CTNND2: variants seen among roughly 807,000 people sequenced by gnomAD.
CTNND2 encodes the protein catenin delta-2.
Under a neutral mutation model 144.4 loss-of-function variants are expected in CTNND2, and 22 were observed. That is an observed-to-expected ratio of 0.15 (90% CI 0.11 to 0.22). CTNND2 has a LOEUF of 0.22. Among genes scored for constraint, CTNND2 ranks in the 10% least tolerant of loss-of-function variants. CTNND2 has a pLI of 1.00. For synonymous variants in CTNND2, 751 were observed against 695.6 expected, an observed-to-expected ratio of 1.08 and a Z score of -1.25; for missense variants, 1,353 against 1,618.8, an observed-to-expected ratio of 0.84 and a Z score of 2.82.
At chr5:11,403,602 CA>C (rs1760819949) in intron 5 of CTNND2, among the ~76,000 whole-genome samples, 1 of 152,168 alleles carries the variant, frequency 6.6e-6, no homozygotes, top group South Asian at 2.1e-4. Context: ...CTATACCTTA[CA>C]AAGTTTTGTC....
At chr5:11,361,146 G>C (rs1297096385) in intron 8 of CTNND2, among the ~76,000 whole-genome samples, 1 of 152,174 alleles carries the variant, frequency 6.6e-6, no homozygotes, top group East Asian at 1.9e-4. Context: ...TCAGCATCCC[G>C]AGTAGCTGGG....
rs556235353 is a variant in CTNND2, at chr5:10,990,701, G to A, written c.3211+1850C>T. The stretch of plus-strand genomic sequence containing the variant: ...TATCTCCTGAGACCTCACACACAGC[G>A]GTGCTCCAAGTCTCTGGTAAATCAG... On this transcript the variant is annotated intron_variant, in intron 19 of 21. Coordinates refer to ENST00000304623, the MANE Select transcript of CTNND2 (RefSeq NM_001332.4). Among the ~76,000 whole-genome samples the A allele has an allele frequency of 4.6e-5, 7 of 152,256 alleles. No homozygotes were observed. In the South Asian group the frequency reaches 1.0e-3, roughly 23 times the overall value.
intron 1 of CTNND2, among the ~76,000 whole-genome samples, chr5:11,754,445 G>A (rs1788799109): frequency 1.1e-5 from 1 of 91,208 alleles, no homozygotes; most frequent in South Asian, 6.6e-4. Context: ...GGGGCGGGGA[G>A]GTGGAGAGTT....
chr5:11,138,981 CT>C (rs3032103), intron 12 of CTNND2, among the ~76,000 whole-genome samples: 14,491 of 149,278 alleles, frequency 0.097, 971 homozygotes, highest in Admixed American at 0.24. Flanking sequence ...TAAAAGGAAA[CT>C]TTTTTTTTTT....
chr5:11,809,125 G>C (rs1170809596), intron 1 of CTNND2, among the ~76,000 whole-genome samples: 1 of 152,168 alleles, frequency 6.6e-6, no homozygotes, highest in Non-Finnish European at 1.5e-5. Flanking sequence ...TTGTAATAAG[G>C]ATGACAAATG....
intron 12 of CTNND2, among the ~76,000 whole-genome samples, chr5:11,125,893 C>A (rs764141110): frequency 6.6e-6 from 1 of 152,186 alleles, no homozygotes; most frequent in African/African-American, 2.4e-5. Context: ...AGGTAAGATT[C>A]TGTTTTTTAC....
Position 11,817,410 on chromosome 5 carries a change from GGAGAGAGAGAGAGAGA to G in CTNND2, c.38-85154_38-85139del, listed in dbSNP as rs1157713122. Among the ~76,000 whole-genome samples the G allele has an allele frequency of 6.3e-3, 141 of 22,346 alleles. 7 individuals are homozygous for G. The highest frequency in any genetic ancestry group is 0.029 in the African/African-American group (122 of 4,196). 14.7% of individuals were successfully genotyped at this position (22,346 alleles called of 152,430 possible). ...GGGGGGAGAGAGAGAGAGAGAGGAG[GGAGAGAGAGAGAGAGA>G]GAGAGAGAGAGAGAGAGAGAGAGAG... is the stretch of plus-strand genomic sequence containing the variant. On this transcript the variant is annotated intron_variant, in intron 1 of 21. Transcript: ENST00000304623.
intron 9 of CTNND2, among the ~76,000 whole-genome samples, chr5:11,300,451 T>C (rs1428926234): frequency 6.6e-6 from 1 of 152,118 alleles, no homozygotes; most frequent in Non-Finnish European, 1.5e-5. Context: ...AGCTTCCTTG[T>C]CAGGGCTCCT....
chr5:11,779,118 G>A (rs1299078736), intron 1 of CTNND2, among the ~76,000 whole-genome samples: 1 of 152,110 alleles, frequency 6.6e-6, no homozygotes, highest in Non-Finnish European at 1.5e-5. Flanking sequence ...CATGACGCAT[G>A]GTGTATCCGC....
chr5:11,253,690 A>T (rs1419622165), intron 9 of CTNND2, among the ~76,000 whole-genome samples: 1 of 152,190 alleles, frequency 6.6e-6, no homozygotes. Context: ...GTAAAAATAC[A>T]ATAGACCATC....
At chr5:11,459,627 G>A (rs766702805) in intron 3 of CTNND2, among the ~76,000 whole-genome samples, 5 of 152,100 alleles carry the variant, frequency 3.3e-5, no homozygotes, top group African/African-American at 7.2e-5. Flanking sequence ...TGTCTACCAG[G>A]CAAGGAAACT....
rs1266254086 is a variant in CTNND2 at position 10,972,027 on chromosome 5, A to G, written c.*1426T>C. On this transcript the variant is annotated 3_prime_UTR_variant, in exon 22 of 22. Transcript: ENST00000304623. The stretch of plus-strand genomic sequence containing the variant: ...CGTTAGCTTCAAGTTCAGTTTTAAT[A>G]ATCTATTCCATAGTTGTGTACTGCT... The G allele has an allele frequency of 1.3e-5, 2 of 152,654 alleles. No individual in the cohort carries two copies. The highest frequency in any genetic ancestry group is 1.3e-4 in the Admixed American group (2 of 15,284). 9.5% of individuals were successfully genotyped at this position (152,654 alleles called of 1,614,324 possible).
At chr5:11,544,819 A>C (rs1775069255) in intron 3 of CTNND2, among the ~76,000 whole-genome samples, 2 of 152,246 alleles carry the variant, frequency 1.3e-5, no homozygotes, top group South Asian at 4.1e-4. Context: ...CTCTGTCTCC[A>C]CTAAAAATAC....
chr5:11,312,363 C>T (rs184378358), intron 9 of CTNND2, among the ~76,000 whole-genome samples: 471 of 151,740 alleles, frequency 3.1e-3, no homozygotes, highest in African/African-American at 0.011. Flanking sequence ...GGGGTTTAAT[C>T]GGACTTACAG....
At chr5:11,271,973 A>G (rs887417889) in intron 9 of CTNND2, among the ~76,000 whole-genome samples, 2 of 152,196 alleles carry the variant, frequency 1.3e-5, no homozygotes, top group African/African-American at 4.8e-5. Flanking sequence ...AGTATAATAT[A>G]AATATAGATA....
intron 1 of CTNND2, among the ~76,000 whole-genome samples, chr5:11,801,254 C>T (rs1791666246): frequency 6.6e-6 from 1 of 152,054 alleles, no homozygotes; most frequent in Non-Finnish European, 1.5e-5. Context: ...TTTTCTGAGC[C>T]AACACAGAAC....
chr5:11,343,615 A>G (rs1754481156), intron 9 of CTNND2, among the ~76,000 whole-genome samples: 1 of 152,200 alleles, frequency 6.6e-6, no homozygotes, highest in African/African-American at 2.4e-5. Context: ...TATGGATTCA[A>G]TATGTGCTAA....
intron 9 of CTNND2, among the ~76,000 whole-genome samples, chr5:11,343,833 CAT>C (rs1312068333): frequency 6.6e-6 from 1 of 152,126 alleles, no homozygotes; most frequent in Non-Finnish European, 1.5e-5. Context: ...AAGAGGCTTA[CAT>C]AGCCTGGTGT....
Position 11,866,210 on chromosome 5 carries a change from G to T in CTNND2, c.37+37607C>A, listed in dbSNP as rs553880885. ...CCTAGCTACTCGGGAGGCTGAGGTG[G>T]GAGGATTGCTTGAGCCCAGGAGTTT... On this transcript the variant is annotated intron_variant, in intron 1 of 21. Transcript: ENST00000304623. 2.0e-5 allele frequency among the ~76,000 whole-genome samples: 3 copies of T among 152,270 alleles called. No homozygotes were observed. The South Asian group carries it at 6.2e-4, about 32-fold the overall frequency.
Sources: allele counts gnomAD v4.1 joint callset (sites outside exome capture counted in the v4.1 genomes callset), GRCh38; gene constraint gnomAD v4.1.1; transcripts MANE v1.5; gene names NCBI Gene and HGNC (gene_info 2026-07-23, HGNC 2026-07-21).